ABCC4: variants seen among roughly 807,000 people sequenced by gnomAD.
The protein encoded by ABCC4 is ATP binding cassette subfamily C member 4 (PEL blood group).
In ABCC4, 102 loss-of-function variants were observed where a neutral mutation model predicts 168.5. That is an observed-to-expected ratio of 0.61 (90% CI 0.52 to 0.71). The LOEUF (loss-of-function observed/expected upper bound fraction) is 0.71, where lower values mean the gene tolerates loss of function less well. ABCC4 is among the 30% of genes least tolerant of loss of function. The pLI, the probability that ABCC4 is intolerant of heterozygous loss-of-function variation, is 0.00. For missense variants in ABCC4, 1,402 were observed against 1,605.8 expected (o/e 0.87, Z 2.17); for synonymous variants, 617 against 590.7 (o/e 1.04, Z -0.65).
intron 21 of ABCC4, among the ~76,000 whole-genome samples, chr13:95,078,117 C>T (rs1384914955): frequency 1.3e-5 from 2 of 152,308 alleles, no homozygotes; most frequent in African/African-American, 2.4e-5. Context: ...AGAAACCAGA[C>T]CTTCCCTGAG....
At chr13:95,219,396 G>T (rs938164305) in intron 4 of ABCC4, among the ~76,000 whole-genome samples, 13 of 152,134 alleles carry the variant, frequency 8.5e-5, no homozygotes, top group Admixed American at 7.2e-4. Context: ...GGACAGTGAG[G>T]ACATACATGG....
At chr13:95,293,639 G>A (rs2041457258) in intron 1 of ABCC4, among the ~76,000 whole-genome samples, 1 of 151,850 alleles carries the variant, frequency 6.6e-6, no homozygotes, top group Middle Eastern at 3.4e-3. Context: ...GCTAATTTTT[G>A]TATTTTTAGT....
In ABCC4 at chr13:95,169,586, G is replaced by A. The variant is rs545575097; in HGVS notation, c.1824+946C>T. On this transcript the variant is annotated intron_variant, in intron 14 of 30. Coordinates refer to ENST00000645237, the MANE Select transcript of ABCC4 (RefSeq NM_005845.5). ...CCTCAGATGCCCTCCCCAGGTGACC[G>A]CATGGTCAGCACCTTCACGTCACTG... 2.3e-3 allele frequency among the ~76,000 whole-genome samples: 354 copies of A among 152,132 alleles called. 3 individuals are homozygous for A. Among genetic ancestry groups the A allele is most frequent in the African/African-American group, 7.6e-3 (315 of 41,512 alleles).
At chr13:95,024,998 T>C (rs771269533) in intron 30 of ABCC4, among the ~76,000 whole-genome samples, 1 of 151,954 alleles carries the variant, frequency 6.6e-6, no homozygotes, top group Non-Finnish European at 1.5e-5. Flanking sequence ...TCATAGGAAT[T>C]CTCCAGTTAA....
chr13:95,071,824 G>A lies in ABCC4; in HGVS notation c.3048C>T (p.Tyr1016=). The change falls in exon 25 of 31, where the codon TAC becomes TAT. Residue 1016 remains tyrosine, a synonymous_variant. Coordinates refer to ENST00000645237, the MANE Select transcript of ABCC4 (RefSeq NM_005845.5). ...MMISVERVIE[Y]TDLEKEAPWE... ...AAGGTGCTTCTTTTTCAAGGTCTGTGTATTCAATGACCCTTTCTACTGAGA... is the reference window on the plus strand; with the variant it reads ...AAGGTGCTTCTTTTTCAAGGTCTGTATATTCAATGACCCTTTCTACTGAGA... 4.4e-6 allele frequency: 7 copies of A among 1,591,816 alleles called. No homozygotes were observed. Among genetic ancestry groups the A allele is most frequent in the Non-Finnish European group, 6.0e-6 (7 of 1,171,284 alleles).
At chr13:95,276,625 C>A (rs1247636604) in intron 1 of ABCC4, among the ~76,000 whole-genome samples, 1 of 152,160 alleles carries the variant, frequency 6.6e-6, no homozygotes, top group Non-Finnish European at 1.5e-5. Context: ...CTCAAAGACA[C>A]CAGAGTGCAA....
intron 4 of ABCC4, among the ~76,000 whole-genome samples, chr13:95,233,950 T>C (rs2039691731): frequency 6.6e-6 from 1 of 152,196 alleles, no homozygotes; most frequent in Admixed American, 6.5e-5. Context: ...ACTATTTTCT[T>C]AAATACCATT....
intron 3 of ABCC4, among the ~76,000 whole-genome samples, chr13:95,242,587 A>G (rs2039978781): frequency 6.6e-6 from 1 of 152,148 alleles, no homozygotes; most frequent in Admixed American, 6.5e-5. Context: ...CAGTGGTGCA[A>G]TCATAGCTCA....
At chr13:95,062,888 AAAAAAAAAAG>A (rs766648138) in intron 25 of ABCC4, 29 bp from the exon 26 acceptor site, 1 of 1,455,238 alleles carries the variant, frequency 6.9e-7, no homozygotes, top group Non-Finnish European at 9.0e-7. Context: ...GGCAGGATTA[AAAAAAAAAAG>A]AAAAAAATCA....
rs2037170519 is a variant in ABCC4, at chr13:95,163,661, A to C, written c.2176-14T>G. On this transcript the variant is annotated splice_polypyrimidine_tract_variant and intron_variant, in intron 16 of 30. Transcript: ENST00000645237. ...CACATAGGCAACCTAGGAGGGGAGA[A>C]ACAACAAAGACAAAAATCAAACTTG... 6.2e-7 allele frequency: 1 copy of C among 1,608,296 alleles called. No individual in the cohort carries two copies. Among genetic ancestry groups the C allele is most frequent in the Admixed American group, 1.7e-5 (1 of 59,836 alleles).
rs144787604 is a variant in ABCC4 at position 95,049,289 on chromosome 13, G to A, written c.3456+3806C>T. 3.4e-3 allele frequency among the ~76,000 whole-genome samples: 521 copies of A among 151,802 alleles called. 1 individual carries two copies. Among genetic ancestry groups the A allele is most frequent in the Non-Finnish European group, 6.0e-3 (409 of 67,970 alleles). ...GTAGAGTTTGCAGTGAGCTGAGATT[G>A]CACCACTGCACTCCAGCCTGGGCGA... is the stretch of plus-strand genomic sequence containing the variant. On this transcript the variant is annotated intron_variant, in intron 27 of 30. Coordinates refer to ENST00000645237, the MANE Select transcript of ABCC4 (RefSeq NM_005845.5).
At position 95,076,776 on chromosome 13, in the gene ABCC4, T is replaced by C. The variant is rs183127838; in HGVS notation, c.2687-1225A>G. Among the ~76,000 whole-genome samples the C allele has an allele frequency of 7.2e-5, 11 of 151,812 alleles. No homozygotes were observed. In the East Asian group the frequency reaches 2.1e-3, roughly 30 times the overall value. On this transcript the variant is annotated intron_variant, in intron 21 of 30. Coordinates refer to ENST00000645237, the MANE Select transcript of ABCC4 (RefSeq NM_005845.5). Reference sequence around the variant, plus strand: ...CACCGCACCTGGCCTGTTGGGTTTTTTAGAAACAGGATTTCACTCTGTCAC... The same window carrying C: ...CACCGCACCTGGCCTGTTGGGTTTTCTAGAAACAGGATTTCACTCTGTCAC...
At position 95,075,520 on chromosome 13, in the gene ABCC4, AGAT is replaced by A; in HGVS notation, c.2715_2717del (p.Ser907del). ...GGATGGTCCAGAGCCCCTGGAGAGA[AGAT>A]GATAAGTGGGAAAACACTGGACTCC... On this transcript the variant is annotated inframe_deletion, in exon 22 of 31. Coordinates refer to ENST00000645237, the MANE Select transcript of ABCC4 (RefSeq NM_005845.5). 6.2e-7 allele frequency: 1 copy of A among 1,614,108 alleles called. No individual in the cohort carries two copies. Among genetic ancestry groups the A allele is most frequent in the Middle Eastern group, 1.6e-4 (1 of 6,062 alleles).
intron 19 of ABCC4, 145 bp downstream of exon 19, chr13:95,161,044 G>A (rs2037082065): frequency 4.6e-6 from 1 of 218,112 alleles, no homozygotes; most frequent in Non-Finnish European, 7.4e-6. Context: ...AAAAATATCA[G>A]TGAAGTTTCT....
chr13:95,231,889 T>C (rs937134603), intron 4 of ABCC4, among the ~76,000 whole-genome samples: 2 of 152,166 alleles, frequency 1.3e-5, no homozygotes, highest in African/African-American at 4.8e-5. Flanking sequence ...AGTATCTCAC[T>C]TGTACAAAGA....
chr13:95,069,514 T>G (rs1373444741), intron 25 of ABCC4, among the ~76,000 whole-genome samples: 1 of 152,186 alleles, frequency 6.6e-6, no homozygotes, highest in Non-Finnish European at 1.5e-5. Flanking sequence ...TCAATTATAT[T>G]AAATACATTC....
At chr13:95,186,663 G>T in intron 11 of ABCC4, 38 bp downstream of exon 11, 1 of 1,577,566 alleles carries the variant, frequency 6.3e-7, no homozygotes, top group Non-Finnish European at 8.6e-7. Flanking sequence ...AGTATTACTG[G>T]ACATTCGAGT....
chr13:95,106,852 G>C (rs2035025068), intron 20 of ABCC4, among the ~76,000 whole-genome samples: 1 of 152,138 alleles, frequency 6.6e-6, no homozygotes, highest in Non-Finnish European at 1.5e-5. Flanking sequence ...GGGAGTCTGG[G>C]ACCTGAGATT....
chr13:95,260,354 C>T (rs1205246458), intron 1 of ABCC4, among the ~76,000 whole-genome samples: 1 of 152,120 alleles, frequency 6.6e-6, no homozygotes, highest in Admixed American at 6.6e-5. Context: ...AACCCACAGA[C>T]ACCTAGAACC....
Sources: allele counts gnomAD v4.1 joint callset (sites outside exome capture counted in the v4.1 genomes callset), GRCh38; gene constraint gnomAD v4.1.1; transcripts MANE v1.5; gene names NCBI Gene and HGNC (gene_info 2026-07-23, HGNC 2026-07-21).